AUTS2: variants seen among roughly 807,000 people sequenced by gnomAD.
AUTS2 encodes the protein activator of transcription and developmental regulator AUTS2, also known as autism susceptibility gene 2 protein.
In AUTS2, 17 loss-of-function variants were observed where a neutral mutation model predicts 112.4. That is an observed-to-expected ratio of 0.15 (90% CI 0.10 to 0.23). The LOEUF (loss-of-function observed/expected upper bound fraction) is 0.23, where lower values mean the gene tolerates loss of function less well. Ranked by LOEUF, AUTS2 falls within the 10% of genes least tolerant of loss-of-function variation. AUTS2 has a pLI of 1.00. For synonymous variants in AUTS2, 751 were observed against 702.7 expected, an observed-to-expected ratio of 1.07 and a Z score of -1.09; for missense variants, 1,510 against 1,701.6, an observed-to-expected ratio of 0.89 and a Z score of 1.98.
chr7:70,292,319 T>C (rs1459651954), intron 4 of AUTS2: 1 of 152,270 alleles, frequency 6.6e-6, no homozygotes, highest in Non-Finnish European at 1.5e-5. Context: ...CATTCTCATC[T>C]AAAATGCGTA....
chr7:69,927,186 TTATATATATATATATATATACATAC>T (rs1156563096), intron 2 of AUTS2, among the ~76,000 whole-genome samples: 1 of 142,410 alleles, frequency 7.0e-6, no homozygotes, highest in Admixed American at 7.1e-5. Context: ...TCCAATATAT[TTATATATATATATATATATACATAC>T]TATATATATC....
intron 2 of AUTS2, among the ~76,000 whole-genome samples, chr7:70,101,353 T>A (rs1249572716): frequency 2.6e-5 from 4 of 151,522 alleles, no homozygotes; most frequent in African/African-American, 9.7e-5. Flanking sequence ...ATCTGGCTTA[T>A]GAATTTTCAT....
chr7:70,475,765 A>G (rs3113259), intron 5 of AUTS2, among the ~76,000 whole-genome samples: 85,540 of 152,048 alleles, frequency 0.56, 25,230 homozygotes, highest in African/African-American at 0.74. Context: ...GCGGCCAGGG[A>G]CCATGGCTTC....
Position 70,790,577 on chromosome 7 carries a change from C to T in AUTS2, c.3361C>T (p.Pro1121Ser), listed in dbSNP as rs1791861815. 1.9e-6 allele frequency: 3 copies of T among 1,602,708 alleles called. No individual in the cohort carries two copies. The highest frequency in any genetic ancestry group is 2.6e-6 in the Non-Finnish European group (3 of 1,175,364). ...CGACCGCTCCTTCAGGGACCGGGAGCCTCACGACTACAGCCACCACCACCA... is the reference window on the plus strand; with the variant it reads ...CGACCGCTCCTTCAGGGACCGGGAGTCTCACGACTACAGCCACCACCACCA... ...EADRSFRDRE[P>S]HDYSHHHHHH... The change falls in exon 19 of 19, where the codon CCT (proline) becomes TCT (serine). Residue 1121 changes from proline to serine, a missense_variant. Physicochemically the swap from Pro to Ser is moderately conservative, Grantham distance 74. Coordinates refer to ENST00000342771, the MANE Select transcript of AUTS2 (RefSeq NM_015570.4). The surrounding 1 kb of genome is among the most constrained non-coding windows in gnomAD (Gnocchi z 7.6).
intron 1 of AUTS2, among the ~76,000 whole-genome samples, chr7:69,758,268 C>T (rs1212114702): frequency 1.3e-5 from 2 of 152,172 alleles, no homozygotes; most frequent in Non-Finnish European, 2.9e-5. Flanking sequence ...CAAGGTTGAC[C>T]TCAGGACCTC....
chr7:70,057,017 C>T (rs1182128558), intron 2 of AUTS2, among the ~76,000 whole-genome samples: 1 of 152,166 alleles, frequency 6.6e-6, no homozygotes, highest in Non-Finnish European at 1.5e-5. Context: ...AGGCTCGTTC[C>T]TGTTTCAAAT....
intron 1 of AUTS2, among the ~76,000 whole-genome samples, chr7:69,878,537 C>T (rs1260249105): frequency 6.6e-6 from 1 of 152,154 alleles, no homozygotes; most frequent in South Asian, 2.1e-4. Context: ...AGAGAGATGT[C>T]CAGGTACTGC....
intron 2 of AUTS2, among the ~76,000 whole-genome samples, chr7:70,002,864 T>C (rs1799261848): frequency 6.6e-6 from 1 of 151,930 alleles, no homozygotes; most frequent in Non-Finnish European, 1.5e-5. Flanking sequence ...CTCTTAGTCT[T>C]TAAAATCAAA....
chr7:70,632,933 C>T (rs1006981914), intron 5 of AUTS2, among the ~76,000 whole-genome samples: 1 of 152,034 alleles, frequency 6.6e-6, no homozygotes, highest in African/African-American at 2.4e-5. Context: ...CACATTGGTT[C>T]CTCCATATTT....
intron 2 of AUTS2, among the ~76,000 whole-genome samples, chr7:69,908,404 A>T (rs1391571967): frequency 1.3e-5 from 2 of 152,250 alleles, no homozygotes; most frequent in Admixed American, 6.5e-5. Context: ...TATCAGGCAG[A>T]TATAACTTTG....
At chr7:69,680,393 C>T (rs961729641) in intron 1 of AUTS2, among the ~76,000 whole-genome samples, 11 of 152,154 alleles carry the variant, frequency 7.2e-5, no homozygotes, top group African/African-American at 2.2e-4. Flanking sequence ...CTGTCTTTAT[C>T]TACTTATTGT....
intron 1 of AUTS2, among the ~76,000 whole-genome samples, chr7:69,656,999 C>T (rs940094376): frequency 1.3e-5 from 2 of 152,134 alleles, no homozygotes; most frequent in African/African-American, 2.4e-5. Flanking sequence ...TTCCATGAGT[C>T]GTGCAGCCTT....
intron 4 of AUTS2, among the ~76,000 whole-genome samples, chr7:70,161,364 T>G (rs1808067766): frequency 6.6e-6 from 1 of 151,980 alleles, no homozygotes; most frequent in Admixed American, 6.6e-5. Context: ...TATGCGACAC[T>G]GGTCTCTAAA....
At chr7:70,709,273 C>T (rs1041565185) in intron 6 of AUTS2, among the ~76,000 whole-genome samples, 1 of 152,086 alleles carries the variant, frequency 6.6e-6, no homozygotes, top group Non-Finnish European at 1.5e-5. Context: ...AGGAGGGAAG[C>T]CCCATGCCCA....
intron 2 of AUTS2, among the ~76,000 whole-genome samples, chr7:70,063,089 C>A (rs1019123523): frequency 6.6e-5 from 10 of 152,044 alleles, no homozygotes; most frequent in Admixed American, 1.3e-4. Context: ...CCCAACCAGT[C>A]CCCTTTCCCA....
At chr7:69,735,511 T>C (rs999892717) in intron 1 of AUTS2, among the ~76,000 whole-genome samples, 1 of 152,160 alleles carries the variant, frequency 6.6e-6, no homozygotes. Context: ...CCCATGAAAC[T>C]ATTATTTTCT....
chr7:69,611,022 A>T (rs1793005991), intron 1 of AUTS2, among the ~76,000 whole-genome samples: 2 of 152,224 alleles, frequency 1.3e-5, no homozygotes, highest in Non-Finnish European at 2.9e-5. Context: ...AATTTTTGGA[A>T]TTGGCCTTAA....
At chr7:70,639,491 C>T (rs1046805791) in intron 5 of AUTS2, among the ~76,000 whole-genome samples, 26 of 150,980 alleles carry the variant, frequency 1.7e-4, no homozygotes, top group Admixed American at 6.0e-4. Context: ...TGGTGCGTGC[C>T]TGTGGTCTCA....
At chr7:70,722,433 T>C (rs1216639218) in intron 6 of AUTS2, among the ~76,000 whole-genome samples, 1 of 152,206 alleles carries the variant, frequency 6.6e-6, no homozygotes, top group Non-Finnish European at 1.5e-5. Context: ...ATGCTATAAA[T>C]AATTATAGCT....
Sources: gnomAD v4.1 joint callset for allele counts (sites outside exome capture counted in the v4.1 genomes callset) on GRCh38, gnomAD v4.1.1 for gene constraint, Gnocchi (gnomAD v3.1) non-coding constraint, MANE v1.5 for transcripts, NCBI Gene and HGNC (gene_info 2026-07-23, HGNC 2026-07-21) for gene names.